Variants in GABRB3 observed in about 807,000 individuals in gnomAD.
GABRB3 encodes the protein gamma-aminobutyric acid type A receptor subunit beta3.
Under a neutral mutation model 52.1 loss-of-function variants are expected in GABRB3, and 14 were observed. The observed-to-expected ratio is 0.27, with a 90% CI of 0.18 to 0.42. GABRB3 has a LOEUF of 0.42. GABRB3 is among the 10% of genes least tolerant of loss of function. The probability of loss-of-function intolerance (pLI) is 1.00; values close to 1 mark genes in which losing one functional copy is unlikely to be tolerated. For synonymous variants in GABRB3, 260 were observed against 232.3 expected (o/e 1.12, Z -1.08); for missense variants, 307 against 609.1 (o/e 0.50, Z 5.22).
At chr15:26,676,239 A>C (rs898924574) in intron 3 of GABRB3, among the ~76,000 whole-genome samples, 2 of 152,224 alleles carry the variant, frequency 1.3e-5, no homozygotes, top group African/African-American at 4.8e-5. Flanking sequence ...TGTGACTAGC[A>C]CTTGATTAAG....
At chr15:26,729,765 A>C (rs1595555355) in intron 3 of GABRB3, among the ~76,000 whole-genome samples, 1 of 151,812 alleles carries the variant, frequency 6.6e-6, no homozygotes, top group African/African-American at 2.4e-5. Context: ...CTCAGATTCC[A>C]CCCAAGCAGC....
intron 3 of GABRB3, among the ~76,000 whole-genome samples, chr15:26,758,882 T>C (rs1248300055): frequency 6.6e-6 from 1 of 152,204 alleles, no homozygotes; most frequent in Non-Finnish European, 1.5e-5. Flanking sequence ...TCTCTTTACA[T>C]TGTAATTTCT....
At chr15:26,731,063 G>GCTCTCTCTCT (rs1245667511) in intron 3 of GABRB3, among the ~76,000 whole-genome samples, 1 of 80,962 alleles carries the variant, frequency 1.2e-5, no homozygotes, top group Non-Finnish European at 2.2e-5. Flanking sequence ...TCTCTCACTC[G>GCTCTCTCTCT]CTCTCGCTCT....
At chr15:26,600,030 G>C (rs1419425820) in intron 4 of GABRB3, among the ~76,000 whole-genome samples, 1 of 151,870 alleles carries the variant, frequency 6.6e-6, no homozygotes, top group East Asian at 1.9e-4. Context: ...CACTGACAAA[G>C]AAATAGAATG....
intron 3 of GABRB3, among the ~76,000 whole-genome samples, chr15:26,700,716 G>A (rs899816342): frequency 6.6e-6 from 1 of 152,170 alleles, no homozygotes. Context: ...GATCCCAATA[G>A]ACATGGGAAA....
chr15:26,743,172 C>T (rs2140162847), intron 3 of GABRB3, among the ~76,000 whole-genome samples: 1 of 152,270 alleles, frequency 6.6e-6, no homozygotes, highest in South Asian at 2.1e-4. Context: ...TCGTGATCCA[C>T]CTGCCTCGGC....
At chr15:26,643,781 C>T (rs551471952) in intron 3 of GABRB3, among the ~76,000 whole-genome samples, 86 of 152,286 alleles carry the variant, frequency 5.6e-4, no homozygotes, top group African/African-American at 2.0e-3. Flanking sequence ...TGACCCACCA[C>T]CTGCCGTCAT....
In GABRB3 at chr15:26,647,456, G is replaced by GT. The variant is rs139338295; in HGVS notation, c.241-25923dup. The stretch of plus-strand genomic sequence containing the variant: ...AAGATCAGGAAGATTTAGTACTAAG[G>GT]TTTTTTTCTGTAAATGTTTCATGGT... On this transcript the variant is annotated intron_variant, in intron 3 of 8. Transcript: ENST00000311550. Among the ~76,000 whole-genome samples the GT allele has an allele frequency of 6.5e-3, 982 of 152,116 alleles. 13 individuals carry two copies. Among genetic ancestry groups the GT allele is most frequent in the African/African-American group, 0.023 (938 of 41,466 alleles).
chr15:26,633,852 A>C (rs2140561914), intron 3 of GABRB3, among the ~76,000 whole-genome samples: 1 of 152,316 alleles, frequency 6.6e-6, no homozygotes, highest in Admixed American at 6.5e-5. Flanking sequence ...CAAAGTATAA[A>C]AGAAAATCTA....
chr15:26,599,192 C>G (rs1401500308), intron 4 of GABRB3, among the ~76,000 whole-genome samples: 2 of 152,164 alleles, frequency 1.3e-5, no homozygotes, highest in South Asian at 4.1e-4. Flanking sequence ...AAGCAGTGTT[C>G]CATTTAGCCA....
At chr15:26,625,309 C>T in intron 3 of GABRB3, 1 of 224,740 alleles carries the variant, frequency 4.4e-6, no homozygotes, top group Non-Finnish European at 7.4e-6. Context: ...GCACCACCAA[C>T]TCCTCCTTCC....
chr15:26,629,830 G>GAC (rs925266754), intron 3 of GABRB3, among the ~76,000 whole-genome samples: 2 of 152,074 alleles, frequency 1.3e-5, no homozygotes, highest in Non-Finnish European at 2.9e-5. Flanking sequence ...TTAATTAACT[G>GAC]ACACACTGAA....
intron 3 of GABRB3, among the ~76,000 whole-genome samples, chr15:26,760,909 C>T (rs1444815223): frequency 6.6e-6 from 1 of 151,894 alleles, no homozygotes; most frequent in Non-Finnish European, 1.5e-5. Context: ...ATTTACTCAC[C>T]CATGATCACC....
chr15:26,757,728 C>A (rs915242912), intron 3 of GABRB3, among the ~76,000 whole-genome samples: 3 of 152,126 alleles, frequency 2.0e-5, no homozygotes, highest in African/African-American at 4.8e-5. Flanking sequence ...TTTTGAAAAT[C>A]AAAAATGGCA....
chr15:26,678,357 T>C (rs1888131421), intron 3 of GABRB3, among the ~76,000 whole-genome samples: 1 of 151,870 alleles, frequency 6.6e-6, no homozygotes, highest in African/African-American at 2.4e-5. Flanking sequence ...CTCCCGACAA[T>C]GTTGTTTTCC....
intron 3 of GABRB3, among the ~76,000 whole-genome samples, chr15:26,738,117 T>C (rs2140157528): frequency 6.6e-6 from 1 of 152,054 alleles, no homozygotes; most frequent in East Asian, 1.9e-4. Context: ...TGAGATGGAG[T>C]TGTCGCCTGG....
chr15:26,756,855 A>G (rs772779425), intron 3 of GABRB3, among the ~76,000 whole-genome samples: 7 of 152,110 alleles, frequency 4.6e-5, no homozygotes, highest in Non-Finnish European at 8.8e-5. Flanking sequence ...TAAGCACCCC[A>G]TAAGTTTGCA....
chr15:26,642,003 A>T (rs1893214336), intron 3 of GABRB3, among the ~76,000 whole-genome samples: 1 of 151,410 alleles, frequency 6.6e-6, no homozygotes, highest in South Asian at 2.1e-4. Flanking sequence ...AATCCTCCCA[A>T]CTCAGCCTCT....
At chr15:26,645,811 C>A (rs1236018308) in intron 3 of GABRB3, among the ~76,000 whole-genome samples, 1 of 152,156 alleles carries the variant, frequency 6.6e-6, no homozygotes, top group Non-Finnish European at 1.5e-5. Flanking sequence ...TTGCCTCACC[C>A]AAGCTGGAGT....
Sources: gnomAD v4.1 joint callset for allele counts (sites outside exome capture counted in the v4.1 genomes callset) on GRCh38, gnomAD v4.1.1 for gene constraint, MANE v1.5 for transcripts, NCBI Gene and HGNC (gene_info 2026-07-23, HGNC 2026-07-21) for gene names.